PADI3: variants seen among roughly 807,000 people sequenced by gnomAD.
PADI3 encodes the protein peptidyl arginine deiminase 3.
PADI3 carries 53 observed loss-of-function variants against 71.5 expected under a neutral mutation model. That is an observed-to-expected ratio of 0.74 (90% CI 0.59 to 0.93). PADI3 has a LOEUF of 0.93. PADI3 is among the 40% of genes least tolerant of loss of function. The pLI, the probability that PADI3 is intolerant of heterozygous loss-of-function variation, is 0.00. For synonymous variants in PADI3, 361 were observed against 347.5 expected (o/e 1.04, Z -0.43); for missense variants, 821 against 868.0 (o/e 0.95, Z 0.68).
chr1:17,268,544 G>T (rs11203345), intron 6 of PADI3, among the ~76,000 whole-genome samples: 26,117 of 124,242 alleles, frequency 0.21, 2,518 homozygotes, highest in Middle Eastern at 0.29. Context: ...GTCTCGCTCT[G>T]TTGCTCAGGC....
chr1:17,273,408 G>A lies in PADI3; in HGVS notation c.1116G>A (p.Arg372=), dbSNP rs1457640753. The A allele has an allele frequency of 1.9e-6, 3 of 1,613,298 alleles. No individual in the cohort carries two copies. In the South Asian group the frequency reaches 3.3e-5, roughly 18 times the overall value. ...TCCCGGTGGTCTTTGACTCCCCAAG[G>A]AATGGGGAACTGCAGGATTTCCCTT... ...KTLPVVFDSP[R]NGELQDFPYK... is the part of the protein sequence containing the mutation. The change falls in exon 10 of 16, where the codon AGG becomes AGA. Residue 372 remains arginine (R), a synonymous_variant. Coordinates refer to ENST00000375460, the MANE Select transcript of PADI3 (RefSeq NM_016233.2).
At chr1:17,253,692 G>A (rs929057014) in intron 1 of PADI3, among the ~76,000 whole-genome samples, 1 of 152,218 alleles carries the variant, frequency 6.6e-6, no homozygotes, top group South Asian at 2.1e-4. Flanking sequence ...ATCCGCTGGG[G>A]ATGAATGTGC....
rs1211546651 is a variant in PADI3, at chr1:17,282,845, G to C, written c.1762-1G>C. 4.4e-6 allele frequency: 7 copies of C among 1,607,512 alleles called. No individual in the cohort carries two copies. Among genetic ancestry groups the C allele is most frequent in the East Asian group, 2.2e-5 (1 of 44,556 alleles). On this transcript the variant is annotated splice_acceptor_variant, in intron 15 of 15. Coordinates refer to ENST00000375460, the MANE Select transcript of PADI3 (RefSeq NM_016233.2). LOFTEE classifies it high-confidence loss of function. ...AGTGCTGCTTCCCCTTTGGACTGCA[G>C]GTGAACATGCTGGTGCTGGGGAAGC...
At chr1:17,273,502 G>C in intron 10 of PADI3, 55 bp downstream of exon 10, 1 of 1,177,728 alleles carries the variant, frequency 8.5e-7, no homozygotes, top group Non-Finnish European at 1.3e-6. Flanking sequence ...TTACCCCAGG[G>C]GCCACACCGG....
In PADI3 at chr1:17,273,463, C is replaced by T. The variant is rs780063577; in HGVS notation, c.1155+16C>T. 35 of 1,564,496 alleles carry T rather than the reference C, an allele frequency of 2.2e-5. No homozygotes were observed. Among genetic ancestry groups the T allele is most frequent in the Non-Finnish European group, 2.8e-5 (32 of 1,136,766 alleles). On this transcript the variant is annotated intron_variant, in intron 10 of 15. Transcript: ENST00000375460. ...AAGAATCCTGGTGAGTGGTCCCGGCCGCAGCCCACCCCTGAGAGCTGAGAG... is the reference window on the plus strand; with the variant it reads ...AAGAATCCTGGTGAGTGGTCCCGGCTGCAGCCCACCCCTGAGAGCTGAGAG...
intron 10 of PADI3, among the ~76,000 whole-genome samples, chr1:17,274,385 C>T (rs369663741): frequency 6.6e-6 from 1 of 152,220 alleles, no homozygotes; most frequent in Non-Finnish European, 1.5e-5. Flanking sequence ...GCAACCGGAG[C>T]GCCCCCTGCT....
At position 17,259,604 on chromosome 1, in the gene PADI3, T is replaced by C. The variant is rs1255346142; in HGVS notation, c.119T>C (p.Phe40Ser). Residue 40 changes from phenylalanine to serine, a missense_variant, in exon 2 of 16, where the codon TTT (phenylalanine) becomes TCT (serine). Phe to Ser is a radical substitution (Grantham distance 155). Transcript: ENST00000375460. Reference sequence around the variant, plus strand: ...TCAGTGCCTGAGGGCACAGAAATGTTTGAGGTCTATGGGACGCCTGGCGTG... The same window carrying C: ...TCAGTGCCTGAGGGCACAGAAATGTCTGAGGTCTATGGGACGCCTGGCGTG... ...YGSVPEGTEM[F>S]EVYGTPGVDI... 6.2e-7 allele frequency: 1 copy of C among 1,611,550 alleles called. No homozygotes were observed. The highest frequency in any genetic ancestry group is 2.2e-5 in the East Asian group (1 of 44,776).
chr1:17,267,717 G>T, intron 5 of PADI3, 120 bp from the exon 6 acceptor site: 1 of 1,180,090 alleles, frequency 8.5e-7, no homozygotes. Context: ...TTTTCACAAA[G>T]CTAGGGCTGG....
chr1:17,256,094 C>T (rs921766867), intron 1 of PADI3, among the ~76,000 whole-genome samples: 4 of 152,204 alleles, frequency 2.6e-5, no homozygotes, highest in African/African-American at 4.8e-5. Flanking sequence ...ACTTGTGTCT[C>T]CTCTTGGTGC....
rs774174483 is a variant in PADI3 at position 17,265,676 on chromosome 1, G to A, written c.364G>A (p.Asp122Asn). The change falls in exon 4 of 16, where the codon GAC becomes AAC. Residue 122 changes from aspartate (D) to asparagine (N), a missense_variant. Transcript: ENST00000375460. ...TCTTGCAGACATCTCTCTGGATTGC[G>A]ACCTGAACTGTGAGGGAAGGCAGGA... ...LTCVDISLDC[D>N]LNCEGRQDRN... 4.2e-5 allele frequency: 68 copies of A among 1,614,178 alleles called. No homozygotes were observed. In the Middle Eastern group the frequency reaches 6.6e-4, roughly 16 times the overall value.
At chr1:17,280,904 G>A in intron 15 of PADI3, 108 bp downstream of exon 15, 3 of 1,370,228 alleles carry the variant, frequency 2.2e-6, no homozygotes, top group Non-Finnish European at 2.0e-6. Context: ...GGTGGCCAGT[G>A]GGGGTGGCAG....
rs1023028847 is a variant in PADI3 at position 17,274,933 on chromosome 1, G to C, written c.1307+147G>C. On this transcript the variant is annotated intron_variant, in intron 11 of 15. Transcript: ENST00000375460. ...TATACTCCCGGATGTGCTGGGGTTG[G>C]TGGGTGTTCACCAGACACAGTCCAC... 6.1e-6 allele frequency: 5 copies of C among 826,444 alleles called. No individual in the cohort carries two copies. The East Asian group carries it at 1.4e-4, about 22-fold the overall frequency. The allele number at this position is 826,444 out of a possible 1,614,324, so 51.2% of individuals were successfully genotyped here. A position where few individuals can be genotyped will look rare whatever the true frequency, so the allele number is the denominator to read the frequency against.
chr1:17,276,279 A>G (rs923094365), intron 11 of PADI3, among the ~76,000 whole-genome samples: 10 of 152,110 alleles, frequency 6.6e-5, no homozygotes, highest in Admixed American at 5.9e-4. Context: ...GGAAGTTGCA[A>G]TGAGGCGAGA....
At chr1:17,270,002 A>G (rs527849290) in intron 6 of PADI3, among the ~76,000 whole-genome samples, 76 of 152,228 alleles carry the variant, frequency 5.0e-4, no homozygotes, top group African/African-American at 1.8e-3. Flanking sequence ...ATGCTGCCAA[A>G]TTGTGCTCCA....
intron 1 of PADI3, among the ~76,000 whole-genome samples, chr1:17,257,015 G>A (rs923749753): frequency 1.8e-5 from 2 of 114,016 alleles, no homozygotes; most frequent in Non-Finnish European, 3.3e-5. Context: ...CTGGGCGACA[G>A]AGCAAGACTC....
chr1:17,269,935 T>G (rs545946133), intron 6 of PADI3, among the ~76,000 whole-genome samples: 1 of 152,258 alleles, frequency 6.6e-6, no homozygotes, highest in Non-Finnish European at 1.5e-5. Context: ...TGTATTTTTG[T>G]AGGAAAGATA....
At chr1:17,281,469 G>A (rs1259565757) in intron 15 of PADI3, among the ~76,000 whole-genome samples, 1 of 137,802 alleles carries the variant, frequency 7.3e-6, no homozygotes, top group Non-Finnish European at 1.5e-5. Context: ...TTTTTGAGAC[G>A]GAGTCTCACT....
intron 10 of PADI3, among the ~76,000 whole-genome samples, 175 bp from the exon 11 acceptor site, chr1:17,274,460 G>C (rs779194158): frequency 1.6e-4 from 24 of 152,206 alleles, no homozygotes; most frequent in Non-Finnish European, 3.1e-4. Flanking sequence ...CCTGCTATGC[G>C]TGCATGAAAT....
intron 1 of PADI3, among the ~76,000 whole-genome samples, chr1:17,252,820 T>G (rs2072982813): frequency 6.6e-6 from 1 of 152,216 alleles, no homozygotes; most frequent in South Asian, 2.1e-4. Context: ...CCATTCCCAC[T>G]GGGCTTTCCC....
Sources: allele counts gnomAD v4.1 joint callset (sites outside exome capture counted in the v4.1 genomes callset), GRCh38; gene constraint gnomAD v4.1.1; transcripts MANE v1.5; gene names NCBI Gene and HGNC (gene_info 2026-07-23, HGNC 2026-07-21).